Variants in SYNPO2 observed in about 807,000 individuals in gnomAD.
The protein encoded by SYNPO2 is synaptopodin-2.
SYNPO2 carries 56 observed loss-of-function variants against 85.0 expected under a neutral mutation model. That is an observed-to-expected ratio of 0.66 (90% CI 0.53 to 0.82). The LOEUF is 0.82. Ranked by LOEUF, SYNPO2 falls within the 40% of genes least tolerant of loss-of-function variation. The pLI is 0.00. For synonymous variants in SYNPO2, 602 were observed against 591.1 expected (o/e 1.02, Z -0.27); for missense variants, 1,575 against 1,534.2 (o/e 1.03, Z -0.44).
In SYNPO2 at chr4:118,871,745, A is replaced by G. The variant is rs545318556; in HGVS notation, c.12+20805A>G. On this transcript the variant is annotated intron_variant, in intron 1 of 4. Coordinates refer to the SYNPO2 transcript ENST00000610556. ...CACCATGCCCGGGCTAATTTGTTGTATTTTTAGTAGAGGCGGGGTTTCACA... is the reference window on the plus strand; with the variant it reads ...CACCATGCCCGGGCTAATTTGTTGTGTTTTTAGTAGAGGCGGGGTTTCACA... 1.6e-4 allele frequency among the ~76,000 whole-genome samples: 25 copies of G among 152,038 alleles called. 1 individual carries two copies. In the South Asian group the frequency reaches 5.0e-3, roughly 30 times the overall value.
At chr4:118,877,732 A>G (rs1731955100) in intron 1 of SYNPO2, among the ~76,000 whole-genome samples, 1 of 152,210 alleles carries the variant, frequency 6.6e-6, no homozygotes. Flanking sequence ...TGTGGAGAAA[A>G]GGGAACACTT....
At chr4:118,955,607 G>T (rs774903251) in intron 1 of SYNPO2, among the ~76,000 whole-genome samples, 26 of 152,192 alleles carry the variant, frequency 1.7e-4, no homozygotes, top group Non-Finnish European at 2.5e-4. Flanking sequence ...AGGAAGAAAG[G>T]TTTGAGCCGA....
chr4:118,948,923 C>T (rs1163027378), intron 1 of SYNPO2, among the ~76,000 whole-genome samples: 2 of 152,202 alleles, frequency 1.3e-5, no homozygotes, highest in East Asian at 1.9e-4. Flanking sequence ...AGAGTTGCTC[C>T]TCTGTGCTCA....
At chr4:118,909,535 AG>A (rs1662216157) in intron 1 of SYNPO2, among the ~76,000 whole-genome samples, 1 of 152,244 alleles carries the variant, frequency 6.6e-6, no homozygotes, top group South Asian at 2.1e-4. Flanking sequence ...GCCAGAGTCC[AG>A]GTGCTAATGT....
intron 1 of SYNPO2, among the ~76,000 whole-genome samples, chr4:118,998,987 G>GCCA: frequency 6.6e-6 from 1 of 152,180 alleles, no homozygotes; most frequent in Non-Finnish European, 1.5e-5. Flanking sequence ...CTTGTTGACC[G>GCCA]TGTGATCTTG....
At chr4:119,054,749 A>G (rs1038303007) in intron 4 of SYNPO2, among the ~76,000 whole-genome samples, 6 of 152,182 alleles carry the variant, frequency 3.9e-5, no homozygotes, top group African/African-American at 1.4e-4. Context: ...ACAAAGAACC[A>G]ATCAGGAGAG....
chr4:118,941,293 G>A (rs1213939299), intron 1 of SYNPO2, among the ~76,000 whole-genome samples: 2 of 151,946 alleles, frequency 1.3e-5, no homozygotes, highest in South Asian at 2.1e-4. Context: ...AGTTTGTCAC[G>A]TTCTGTTCAT....
intron 1 of SYNPO2, among the ~76,000 whole-genome samples, chr4:118,874,713 A>G (rs1426818): frequency 0.13 from 20,081 of 152,176 alleles, 1,434 homozygotes; most frequent in East Asian, 0.2. Context: ...AAAATAATAC[A>G]AATTATAATT....
chr4:118,943,712 A>G (rs1237579730), intron 1 of SYNPO2, among the ~76,000 whole-genome samples: 1 of 152,242 alleles, frequency 6.6e-6, no homozygotes, highest in Non-Finnish European at 1.5e-5. Flanking sequence ...ATGAATAAGG[A>G]AAGTCATCCA....
At chr4:118,851,057 C>G (rs1731412190) in intron 1 of SYNPO2, 1 of 397,686 alleles carries the variant, frequency 2.5e-6, no homozygotes, top group African/African-American at 2.1e-5. Context: ...TTTACTCATA[C>G]CTTTCATCTT....
chr4:119,032,929 T>TTCCC, intron 4 of SYNPO2: 2 of 905,322 alleles, frequency 2.2e-6, no homozygotes, highest in Non-Finnish European at 1.3e-6. Context: ...AAAGGTTGAT[T>TTCCC]CCCACCCTCC....
intron 4 of SYNPO2, among the ~76,000 whole-genome samples, chr4:119,054,155 C>T (rs924737099): frequency 2.6e-5 from 4 of 152,222 alleles, no homozygotes; most frequent in African/African-American, 4.8e-5. Flanking sequence ...CTGGCCACTC[C>T]GGGCGCCAGC....
At chr4:118,980,245 G>T (rs916368178) in intron 1 of SYNPO2, among the ~76,000 whole-genome samples, 5 of 151,850 alleles carry the variant, frequency 3.3e-5, no homozygotes, top group African/African-American at 1.2e-4. Context: ...TTTCTTTTGG[G>T]GGCCCACTCA....
At chr4:118,931,603 T>C (rs1252833091) in intron 1 of SYNPO2, among the ~76,000 whole-genome samples, 4 of 152,218 alleles carry the variant, frequency 2.6e-5, no homozygotes, top group Admixed American at 2.0e-4. Context: ...AAAGAACTTA[T>C]CTCTGCTGTA....
In SYNPO2 at chr4:119,032,022, A is replaced by T; in HGVS notation, c.3247A>T (p.Ile1083Phe). ...KFSAKKSGVT[I>F]QESGRSLSLP... ...CTCAGCCAAGAAAAGTGGTGTCACA[A>T]TTCAGGTGTGGAAACCATCTGTTGT... Residue 1083 changes from isoleucine (I) to phenylalanine (F), a missense_variant, in exon 4 of 5, where the codon ATT becomes TTT. Physicochemically the swap from Ile to Phe is conservative, Grantham distance 21. Transcript: ENST00000307142. The T allele has an allele frequency of 6.2e-7, 1 of 1,614,052 alleles. No individual in the cohort carries two copies. The highest frequency in any genetic ancestry group is 8.5e-7 in the Non-Finnish European group (1 of 1,179,966).
intron 1 of SYNPO2, among the ~76,000 whole-genome samples, chr4:118,870,810 T>A (rs1169075961): frequency 2.0e-5 from 3 of 152,322 alleles, no homozygotes; most frequent in Admixed American, 2.0e-4. Flanking sequence ...AGGTGGTGGG[T>A]TGATAGGTGC....
intron 4 of SYNPO2, among the ~76,000 whole-genome samples, chr4:119,051,865 C>T (rs1160604662): frequency 6.6e-6 from 1 of 152,078 alleles, no homozygotes; most frequent in Non-Finnish European, 1.5e-5. Flanking sequence ...CAAATGACTT[C>T]CACAATTCTT....
chr4:118,900,907 C>A (rs1472727446), intron 1 of SYNPO2, among the ~76,000 whole-genome samples: 5 of 151,414 alleles, frequency 3.3e-5, no homozygotes, highest in Middle Eastern at 3.2e-3. Context: ...GAGAACTTAT[C>A]TCCAGTATCT....
chr4:118,971,398 A>G (rs1019541428), intron 1 of SYNPO2, among the ~76,000 whole-genome samples: 1 of 152,228 alleles, frequency 6.6e-6, no homozygotes, highest in Non-Finnish European at 1.5e-5. Context: ...GGCTTAGAGT[A>G]GCTCTCCTAC....
Sources: gnomAD v4.1 joint callset for allele counts (sites outside exome capture counted in the v4.1 genomes callset) on GRCh38, gnomAD v4.1.1 for gene constraint, MANE v1.5 for transcripts, NCBI Gene and HGNC (gene_info 2026-07-23, HGNC 2026-07-21) for gene names.